The following NAALADL2 variants were observed in gnomAD, a reference collection of about 807,000 sequenced individuals.
NAALADL2 encodes the protein N-acetylated alpha-linked acidic dipeptidase like 2, also known as inactive N-acetylated-alpha-linked acidic dipeptidase-like protein 2.
NAALADL2 carries 76 observed loss-of-function variants against 87.2 expected under a neutral mutation model. The observed-to-expected ratio is 0.87, with a 90% CI of 0.72 to 1.05. The LOEUF (loss-of-function observed/expected upper bound fraction) is 1.05, where lower values mean the gene tolerates loss of function less well. Among genes scored for constraint, NAALADL2 ranks in the 50% least tolerant of loss-of-function variants. The pLI is 0.00. For synonymous variants in NAALADL2, 354 were observed against 331.0 expected (o/e 1.07, Z -0.75); for missense variants, 1,089 against 945.8 (o/e 1.15, Z -1.99).
intron 9 of NAALADL2, among the ~76,000 whole-genome samples, chr3:175,491,271 A>G (rs906789428): frequency 1.3e-5 from 2 of 150,886 alleles, no homozygotes; most frequent in South Asian, 4.2e-4. Context: ...TTATTGTTCT[A>G]TAAAATATTA....
At chr3:175,413,997 T>C (rs1218884960) in intron 5 of NAALADL2, among the ~76,000 whole-genome samples, 1 of 152,200 alleles carries the variant, frequency 6.6e-6, no homozygotes, top group Non-Finnish European at 1.5e-5. Flanking sequence ...TGTTTCCTTG[T>C]CTTCTGTCCA....
At chr3:174,715,329 A>G (rs1731080258) in intron 2 of NAALADL2, among the ~76,000 whole-genome samples, 1 of 152,162 alleles carries the variant, frequency 6.6e-6, no homozygotes, top group African/African-American at 2.4e-5. Flanking sequence ...TTGTATGGGT[A>G]TAGTGTTGTA....
intron 10 of NAALADL2, among the ~76,000 whole-genome samples, chr3:175,615,352 C>A (rs906993046): frequency 2.6e-5 from 4 of 151,714 alleles, no homozygotes; most frequent in East Asian, 3.9e-4. Flanking sequence ...ATAATAAATA[C>A]CTTTCTGAAA....
chr3:175,040,316 A>G (rs1753914837), intron 1 of NAALADL2, among the ~76,000 whole-genome samples: 2 of 152,216 alleles, frequency 1.3e-5, no homozygotes, highest in African/African-American at 4.8e-5. Context: ...AATCTCCATT[A>G]AAGCAGAATC....
chr3:174,463,272 G>A (rs1716320744), intron 1 of NAALADL2, among the ~76,000 whole-genome samples: 1 of 152,082 alleles, frequency 6.6e-6, no homozygotes, highest in Admixed American at 6.6e-5. Context: ...GTATACTTTT[G>A]TCCTGCTATG....
chr3:175,256,898 T>A (rs1376915983), intron 4 of NAALADL2: 1 of 154,852 alleles, frequency 6.5e-6, no homozygotes, highest in African/African-American at 2.4e-5. Flanking sequence ...ATGTGAAACT[T>A]CTAATCTATT....
At chr3:174,738,565 A>G (rs1733447635) in intron 3 of NAALADL2, among the ~76,000 whole-genome samples, 1 of 152,162 alleles carries the variant, frequency 6.6e-6, no homozygotes, top group Non-Finnish European at 1.5e-5. Context: ...GCCTCTTATG[A>G]AGCCATTAAG....
At chr3:174,555,154 A>G (rs1029119772) in intron 2 of NAALADL2, among the ~76,000 whole-genome samples, 1 of 152,210 alleles carries the variant, frequency 6.6e-6, no homozygotes, top group African/African-American at 2.4e-5. Flanking sequence ...GGGAGAAAAA[A>G]TAGTATCTTT....
intron 2 of NAALADL2, among the ~76,000 whole-genome samples, chr3:175,160,871 G>T (rs1405342379): frequency 6.6e-6 from 1 of 151,778 alleles, no homozygotes; most frequent in Non-Finnish European, 1.5e-5. Context: ...ATTTTTTCAG[G>T]AGTAATTCAT....
chr3:175,679,077 T>C (rs1189869188), intron 11 of NAALADL2, among the ~76,000 whole-genome samples: 1 of 151,934 alleles, frequency 6.6e-6, no homozygotes, highest in Non-Finnish European at 1.5e-5. Flanking sequence ...GTGGGGGAGC[T>C]TTTGAGCCAG....
chr3:175,474,610 A>G (rs1033913483), intron 9 of NAALADL2, among the ~76,000 whole-genome samples: 2 of 152,156 alleles, frequency 1.3e-5, no homozygotes, highest in Admixed American at 6.6e-5. Context: ...TGACAAATGT[A>G]TATAACCATG....
intron 5 of NAALADL2, among the ~76,000 whole-genome samples, chr3:175,395,944 T>G (rs1769722645): frequency 1.3e-5 from 2 of 152,296 alleles, no homozygotes; most frequent in Admixed American, 6.5e-5. Context: ...CTTTGCATAT[T>G]ACCAAGCATT....
At chr3:175,381,404 T>C (rs1020290272) in intron 5 of NAALADL2, among the ~76,000 whole-genome samples, 3 of 151,804 alleles carry the variant, frequency 2.0e-5, no homozygotes, top group Non-Finnish European at 2.9e-5. Context: ...TCTAAAAATA[T>C]TTTCTCTATT....
chr3:174,696,235 A>G (rs1349219260), intron 2 of NAALADL2, among the ~76,000 whole-genome samples: 1 of 152,054 alleles, frequency 6.6e-6, no homozygotes, highest in Non-Finnish European at 1.5e-5. Flanking sequence ...AATATTATAA[A>G]GTAGACATCT....
chr3:175,718,386 T>C, intron 11 of NAALADL2: 2 of 1,594,342 alleles, frequency 1.3e-6, no homozygotes, highest in East Asian at 2.2e-5. Context: ...CCATTAGAAC[T>C]ATTTACTCCA....
chr3:174,915,935 G>A (rs113031930), intron 1 of NAALADL2, among the ~76,000 whole-genome samples: 3 of 152,076 alleles, frequency 2.0e-5, no homozygotes, highest in Non-Finnish European at 4.4e-5. Flanking sequence ...AGAGTAAACA[G>A]GCAACCCACG....
At chr3:175,161,745 A>G (rs1733257795) in intron 2 of NAALADL2, among the ~76,000 whole-genome samples, 1 of 147,652 alleles carries the variant, frequency 6.8e-6, no homozygotes, top group African/African-American at 2.5e-5. Flanking sequence ...CACTGGTTTT[A>G]TATTCTTCTT....
intron 2 of NAALADL2, among the ~76,000 whole-genome samples, chr3:174,681,199 GCAAGCCTC>G (rs1347212842): frequency 6.6e-6 from 1 of 152,144 alleles, no homozygotes; most frequent in Non-Finnish European, 1.5e-5. Context: ...CTAAGTCCCA[GCAAGCCTC>G]AGTACCACAG....
At chr3:174,810,619 A>G (rs545192667) in intron 3 of NAALADL2, among the ~76,000 whole-genome samples, 2 of 151,688 alleles carry the variant, frequency 1.3e-5, no homozygotes, top group African/African-American at 4.8e-5. Context: ...AAAATGATCC[A>G]AAACTAGAAT....
Sources: gnomAD v4.1 joint callset for allele counts (sites outside exome capture counted in the v4.1 genomes callset) on GRCh38, gnomAD v4.1.1 for gene constraint, MANE v1.5 for transcripts, NCBI Gene and HGNC (gene_info 2026-07-23, HGNC 2026-07-21) for gene names.